The following ATP1B3 variants were observed in gnomAD, a reference collection of about 807,000 sequenced individuals.
ATP1B3 encodes the protein sodium/potassium-transporting ATPase subunit beta-3.
A neutral mutation model predicts 30.2 loss-of-function variants in ATP1B3; 10 were observed. The ratio of observed to expected loss-of-function variants is 0.33; its 90% CI spans 0.20 to 0.56. The LOEUF is 0.56. Ranked by LOEUF, ATP1B3 falls within the 20% of genes least tolerant of loss-of-function variation. The pLI is 0.90. For missense variants in ATP1B3, 238 were observed against 336.7 expected, an observed-to-expected ratio of 0.71 and a Z score of 2.29; for synonymous variants, 113 against 117.0, an observed-to-expected ratio of 0.97 and a Z score of 0.22.
At chr3:141,881,405 A>G (rs1208570159) in intron 1 of ATP1B3, among the ~76,000 whole-genome samples, 1 of 152,098 alleles carries the variant, frequency 6.6e-6, no homozygotes, top group Non-Finnish European at 1.5e-5. Context: ...GTTAGCACCT[A>G]TATTTTGTTT....
intron 5 of ATP1B3, chr3:141,918,451 T>TG (rs1406965281): frequency 1.4e-5 from 2 of 147,722 alleles, no homozygotes; most frequent in African/African-American, 2.5e-5. Context: ...ACCTCTCCCT[T>TG]TTTTTTTTTT....
intron 1 of ATP1B3, among the ~76,000 whole-genome samples, chr3:141,881,825 T>C (rs1441428824): frequency 6.6e-6 from 1 of 152,150 alleles, no homozygotes; most frequent in East Asian, 1.9e-4. Context: ...GTGCAGGCTA[T>C]AAACGCAGGC....
At chr3:141,917,594 G>A (rs896755902) in intron 5 of ATP1B3, among the ~76,000 whole-genome samples, 11 of 151,712 alleles carry the variant, frequency 7.3e-5, no homozygotes, top group African/African-American at 2.4e-4. Flanking sequence ...TTCAGGAGAC[G>A]GAGGCAAAGG....
chr3:141,881,433 C>T (rs80141187), intron 1 of ATP1B3, among the ~76,000 whole-genome samples: 5,719 of 152,218 alleles, frequency 0.038, 356 homozygotes, highest in African/African-American at 0.13. Flanking sequence ...TTTTCTTTTA[C>T]TATAGTTCCA....
rs566115381 is a variant in ATP1B3, at chr3:141,907,347, C to T, written c.346+73C>T. 697 of 1,192,426 alleles carry T rather than the reference C, an allele frequency of 5.8e-4. 1 individual carries two copies. The highest frequency in any genetic ancestry group is 7.5e-4 in the Non-Finnish European group (625 of 833,794). 73.9% of individuals were successfully genotyped at this position (1,192,426 alleles called of 1,614,324 possible). On this transcript the variant is annotated intron_variant, in intron 3 of 6. Coordinates refer to ENST00000286371, the MANE Select transcript of ATP1B3 (RefSeq NM_001679.4). ...TTAGTACCAAATTGTGGGCCGGGCA[C>T]GGTAGCTCACGCCTGTAATCCCAGC...
In ATP1B3 at chr3:141,924,903, G is replaced by A. The variant is rs185603098; in HGVS notation, c.670-628G>A. The stretch of plus-strand genomic sequence containing the variant: ...GGGAGTCAGAGGTTGCAGTGAGCCG[G>A]GATCGTGCCACTGCACTCCAGCCTG... On this transcript the variant is annotated intron_variant, in intron 6 of 6. Transcript: ENST00000286371. 1.5e-3 allele frequency among the ~76,000 whole-genome samples: 222 copies of A among 151,596 alleles called. 4 individuals carry two copies. The East Asian group carries it at 0.029, about 20-fold the overall frequency.
chr3:141,919,285 T>C (rs1053570313), intron 5 of ATP1B3, among the ~76,000 whole-genome samples: 69 of 151,326 alleles, frequency 4.6e-4, no homozygotes, highest in Admixed American at 1.1e-3. Flanking sequence ...CTTTTTTTTT[T>C]TCTCTCTCTC....
chr3:141,879,966 A>G (rs1933692303), intron 1 of ATP1B3, among the ~76,000 whole-genome samples: 1 of 151,800 alleles, frequency 6.6e-6, no homozygotes, highest in South Asian at 2.1e-4. Flanking sequence ...AAGGAAAAAA[A>G]ATCACATCTT....
Position 141,876,719 on chromosome 3 carries a change from CGCCGGAGCCGGGACGCGCCTCCGCA to C in ATP1B3, c.-79_-55del, listed in dbSNP as rs1351393196. 3 of 1,072,830 alleles carry C rather than the reference CGCCGGAGCCGGGACGCGCCTCCGCA, an allele frequency of 2.8e-6. No individual in the cohort carries two copies. The highest frequency in any genetic ancestry group is 2.7e-6 in the Non-Finnish European group (2 of 731,416). 66.5% of individuals were successfully genotyped at this position (1,072,830 alleles called of 1,614,324 possible). A position where few individuals can be genotyped will look rare whatever the true frequency, so the allele number is the denominator to read the frequency against. ...CTTCACTGCCGTCTCCGGGCTGCGC[CGCCGGAGCCGGGACGCGCCTCCGCA>C]GCCCTCGCCGCCTCCATCCCCGCGG... On this transcript the variant is annotated 5_prime_UTR_variant, in exon 1 of 7. Transcript: ENST00000286371.
In ATP1B3 at chr3:141,925,763, G is replaced by A; in HGVS notation, c.*62G>A. The A allele has an allele frequency of 3.9e-6, 6 of 1,551,492 alleles. No homozygotes were observed. The highest frequency in any genetic ancestry group is 5.2e-6 in the Non-Finnish European group (6 of 1,146,854). On this transcript the variant is annotated 3_prime_UTR_variant, in exon 7 of 7. Coordinates refer to ENST00000286371, the MANE Select transcript of ATP1B3 (RefSeq NM_001679.4). ...TGTCTGTCTTCATTTTGTAACAGCT[G>A]GACCTTCCATTCTAGAATTATGAGA... is the stretch of plus-strand genomic sequence containing the variant.
At chr3:141,889,823 A>G (rs1035177447) in intron 1 of ATP1B3, among the ~76,000 whole-genome samples, 2 of 144,370 alleles carry the variant, frequency 1.4e-5, no homozygotes, top group Non-Finnish European at 3.0e-5. Context: ...GTGTGTATAT[A>G]CATATACATA....
intron 5 of ATP1B3, chr3:141,916,515 C>G: frequency 1.6e-6 from 2 of 1,277,048 alleles, no homozygotes; most frequent in Non-Finnish European, 2.0e-6. Context: ...CATCTCATAA[C>G]TTTCTTTTGT....
chr3:141,876,714 T>C lies in ATP1B3; in HGVS notation c.-88T>C. On this transcript the variant is annotated 5_prime_UTR_variant, in exon 1 of 7. Transcript: ENST00000286371. Reference sequence around the variant, plus strand: ...CCACCCTTCACTGCCGTCTCCGGGCTGCGCCGCCGGAGCCGGGACGCGCCT... The same window carrying C: ...CCACCCTTCACTGCCGTCTCCGGGCCGCGCCGCCGGAGCCGGGACGCGCCT... 4.0e-6 allele frequency: 4 copies of C among 996,592 alleles called. No individual in the cohort carries two copies. Among genetic ancestry groups the C allele is most frequent in the Non-Finnish European group, 6.0e-6 (4 of 665,556 alleles). The allele number at this position is 996,592 out of a possible 1,614,324, so 61.7% of individuals were successfully genotyped here. A position where few individuals can be genotyped will look rare whatever the true frequency, so the allele number is the denominator to read the frequency against.
At chr3:141,877,190 C>T (rs1156680986) in intron 1 of ATP1B3, among the ~76,000 whole-genome samples, 13 of 148,594 alleles carry the variant, frequency 8.7e-5, no homozygotes, top group Non-Finnish European at 1.7e-4. Flanking sequence ...CACGTGCTGC[C>T]CGGGCCTCCC....
chr3:141,923,535 C>G (rs1271692772), intron 6 of ATP1B3, among the ~76,000 whole-genome samples: 3 of 152,180 alleles, frequency 2.0e-5, no homozygotes, highest in Admixed American at 1.3e-4. Context: ...TTATAAATTA[C>G]CCAGTTTCAA....
intron 1 of ATP1B3, among the ~76,000 whole-genome samples, chr3:141,898,431 A>G (rs1576393666): frequency 6.6e-6 from 1 of 152,332 alleles, no homozygotes; most frequent in East Asian, 1.9e-4. Context: ...AAATCTAAAA[A>G]TGAGAAAATG....
chr3:141,902,911 T>C (rs1934190122), intron 1 of ATP1B3: 1 of 152,178 alleles, frequency 6.6e-6, no homozygotes, highest in Non-Finnish European at 1.5e-5. Flanking sequence ...AAAATATATA[T>C]TTTTTTAATT....
intron 6 of ATP1B3, among the ~76,000 whole-genome samples, chr3:141,924,061 C>G (rs536308279): frequency 1.3e-5 from 2 of 152,288 alleles, no homozygotes; most frequent in South Asian, 4.1e-4. Context: ...AAGCTCGTTA[C>G]TGCCTGGCAC....
chr3:141,879,023 A>G (rs940143168), intron 1 of ATP1B3, among the ~76,000 whole-genome samples: 2 of 152,110 alleles, frequency 1.3e-5, no homozygotes, highest in African/African-American at 4.8e-5. Context: ...GCCTCTGGGG[A>G]TATGTCTGCC....
Sources: gnomAD v4.1 joint callset for allele counts (sites outside exome capture counted in the v4.1 genomes callset) on GRCh38, gnomAD v4.1.1 for gene constraint, MANE v1.5 for transcripts, NCBI Gene and HGNC (gene_info 2026-07-23, HGNC 2026-07-21) for gene names.